Variants in UBE2G1 observed in about 807,000 individuals in gnomAD.
UBE2G1 encodes the protein ubiquitin conjugating enzyme E2 G1.
A neutral mutation model predicts 22.7 loss-of-function variants in UBE2G1; 5 were observed. That is an observed-to-expected ratio of 0.22 (90% confidence interval 0.12 to 0.46). The LOEUF (loss-of-function observed/expected upper bound fraction) is 0.46, where lower values mean the gene tolerates loss of function less well. Ranked by LOEUF, UBE2G1 falls within the 20% of genes least tolerant of loss-of-function variation. The pLI is 0.99. For missense variants in UBE2G1, 88 were observed against 203.9 expected (o/e 0.43, Z 3.46); for synonymous variants, 74 against 67.5 (o/e 1.10, Z -0.47).
intron 1 of UBE2G1, among the ~76,000 whole-genome samples, chr17:4,357,502 T>TGGGGGG (rs1432433475): frequency 1.8e-4 from 2 of 11,274 alleles, no homozygotes; most frequent in African/African-American, 3.3e-4. Flanking sequence ...TGTGTGTGTG[T>TGGGGGG]GTGTGTGGGG....
chr17:4,300,592 C>G (rs1278509591), intron 2 of UBE2G1, among the ~76,000 whole-genome samples: 1 of 151,784 alleles, frequency 6.6e-6, no homozygotes, highest in Non-Finnish European at 1.5e-5. Context: ...TAAAAAGGCA[C>G]CAATTAATTC....
rs533241734 is a variant in UBE2G1 at position 4,360,367 on chromosome 17, C to T, written c.46+5904G>A. On this transcript the variant is annotated intron_variant, in intron 1 of 5. Coordinates refer to ENST00000396981, the MANE Select transcript of UBE2G1 (RefSeq NM_003342.5). ...AAAGCAAAGGAATGCCCACACTGTA[C>T]CCTCCTGCCAACAAAAAAATTGTAC... 1.2e-4 allele frequency among the ~76,000 whole-genome samples: 18 copies of T among 152,242 alleles called. 1 individual carries two copies. The highest frequency in any genetic ancestry group is 1.2e-3 in the Admixed American group (18 of 15,278).
intron 1 of UBE2G1, among the ~76,000 whole-genome samples, chr17:4,317,186 C>A (rs1036958564): frequency 1.3e-5 from 2 of 151,984 alleles, no homozygotes; most frequent in South Asian, 4.1e-4. Flanking sequence ...CCCATCTCCA[C>A]TAAAAATACA....
At chr17:4,354,142 G>A (rs1183444433) in intron 1 of UBE2G1, among the ~76,000 whole-genome samples, 1 of 151,882 alleles carries the variant, frequency 6.6e-6, no homozygotes, top group African/African-American at 2.4e-5. Context: ...CTTTTTCTGT[G>A]TGTCAAATTT....
intron 1 of UBE2G1, among the ~76,000 whole-genome samples, chr17:4,321,559 C>G (rs753203613): frequency 1.3e-5 from 2 of 152,134 alleles, no homozygotes; most frequent in African/African-American, 2.4e-5. Context: ...GTAGTGTGTT[C>G]ATGGCTCACT....
intron 1 of UBE2G1, among the ~76,000 whole-genome samples, chr17:4,311,929 T>C (rs1969314741): frequency 6.6e-6 from 1 of 151,936 alleles, no homozygotes; most frequent in African/African-American, 2.4e-5. Context: ...ATGCCTTTTG[T>C]TAGGGACAAA....
intron 3 of UBE2G1, among the ~76,000 whole-genome samples, chr17:4,291,651 G>T (rs1406908975): frequency 6.6e-6 from 1 of 152,054 alleles, no homozygotes; most frequent in Non-Finnish European, 1.5e-5. Flanking sequence ...ATTTTAGAAT[G>T]AGAAGATTTT....
intron 1 of UBE2G1, among the ~76,000 whole-genome samples, chr17:4,343,537 A>G (rs536763719): frequency 3.3e-5 from 5 of 152,126 alleles, no homozygotes; most frequent in Non-Finnish European, 7.4e-5. Flanking sequence ...CCCTCTTTTC[A>G]TATATATGAA....
chr17:4,329,875 A>G (rs1272181508), intron 1 of UBE2G1, among the ~76,000 whole-genome samples: 1 of 151,542 alleles, frequency 6.6e-6, no homozygotes, highest in African/African-American at 2.4e-5. Flanking sequence ...CTCTTAGACT[A>G]AAACTAAATA....
At position 4,329,061 on chromosome 17, in the gene UBE2G1, C is replaced by T. The variant is rs183243353; in HGVS notation, c.47-21938G>A. On this transcript the variant is annotated intron_variant, in intron 1 of 5. Transcript: ENST00000396981. The stretch of plus-strand genomic sequence containing the variant: ...GTGGAGCTTCAGTGAGCAGAGATCG[C>T]GCCATGCACTCCAGCCTGGGTGACA... Among the ~76,000 whole-genome samples, 164 of 142,774 alleles carry T rather than the reference C, an allele frequency of 1.1e-3. 1 individual carries two copies. The highest frequency in any genetic ancestry group is 2.2e-3 in the Admixed American group (30 of 13,920). 93.7% of individuals were successfully genotyped at this position (142,774 alleles called of 152,430 possible). A position where few individuals can be genotyped will look rare whatever the true frequency, so the allele number is the denominator to read the frequency against.
At chr17:4,305,129 A>G (rs867734212) in intron 2 of UBE2G1, among the ~76,000 whole-genome samples, 1 of 151,668 alleles carries the variant, frequency 6.6e-6, no homozygotes, top group Non-Finnish European at 1.5e-5. Context: ...AATTTTTTGT[A>G]TTTTTAGTAG....
chr17:4,295,245 C>T (rs1035308762), intron 3 of UBE2G1, among the ~76,000 whole-genome samples: 25 of 152,300 alleles, frequency 1.6e-4, no homozygotes, highest in African/African-American at 5.3e-4. Context: ...CATGCATGCC[C>T]GCATCATGCA....
chr17:4,323,531 C>T (rs1361024650), intron 1 of UBE2G1, among the ~76,000 whole-genome samples: 1 of 152,200 alleles, frequency 6.6e-6, no homozygotes, highest in African/African-American at 2.4e-5. Context: ...AGAAAGTCAT[C>T]TCCCAAAGGA....
intron 2 of UBE2G1, among the ~76,000 whole-genome samples, chr17:4,297,545 T>A (rs1969126486): frequency 6.6e-6 from 1 of 152,194 alleles, no homozygotes; most frequent in South Asian, 2.1e-4. Context: ...TCTTAAGGAA[T>A]CATCAAAAGA....
intron 2 of UBE2G1, among the ~76,000 whole-genome samples, chr17:4,305,061 T>A (rs577243724): frequency 6.6e-6 from 1 of 151,582 alleles, no homozygotes; most frequent in East Asian, 1.9e-4. Flanking sequence ...CAAGCGATTC[T>A]CCTGCCTCAG....
chr17:4,290,117 AG>A (rs1969016251), intron 3 of UBE2G1, among the ~76,000 whole-genome samples: 1 of 152,340 alleles, frequency 6.6e-6, no homozygotes, highest in Non-Finnish European at 1.5e-5. Context: ...CATTAAAAAA[AG>A]GTCCTAATCC....
chr17:4,278,926 A>AT (rs1311247659), intron 5 of UBE2G1, among the ~76,000 whole-genome samples: 1 of 152,184 alleles, frequency 6.6e-6, no homozygotes, highest in African/African-American at 2.4e-5. Flanking sequence ...CATTTGATAC[A>AT]TTTAATCACA....
At chr17:4,346,594 C>T (rs146771014) in intron 1 of UBE2G1, among the ~76,000 whole-genome samples, 4,877 of 151,670 alleles carry the variant, frequency 0.032, 292 homozygotes, top group African/African-American at 0.11. Context: ...CACCACCATG[C>T]CCGGCTAATT....
At chr17:4,290,708 T>C (rs1161570881) in intron 3 of UBE2G1, among the ~76,000 whole-genome samples, 1 of 148,990 alleles carries the variant, frequency 6.7e-6, no homozygotes, top group African/African-American at 2.5e-5. Context: ...CTCAAACTCC[T>C]GGGCTCTAGT....
Sources: allele counts gnomAD v4.1 joint callset (sites outside exome capture counted in the v4.1 genomes callset), GRCh38; gene constraint gnomAD v4.1.1; transcripts MANE v1.5; gene names NCBI Gene and HGNC (gene_info 2026-07-23, HGNC 2026-07-21).